Variants in CLEC16A observed in about 807,000 individuals in gnomAD.
CLEC16A encodes the protein C-type lectin domain containing 16A.
CLEC16A carries 51 observed loss-of-function variants against 109.5 expected under a neutral mutation model. That is an observed-to-expected ratio of 0.47 (90% CI 0.37 to 0.59). The LOEUF (loss-of-function observed/expected upper bound fraction) is 0.59, where lower values mean the gene tolerates loss of function less well. CLEC16A is among the 20% of genes least tolerant of loss of function. CLEC16A has a pLI of 0.00. For synonymous variants in CLEC16A, 673 were observed against 564.2 expected, an observed-to-expected ratio of 1.19 and a Z score of -2.73; for missense variants, 1,339 against 1,394.0, an observed-to-expected ratio of 0.96 and a Z score of 0.63.
At chr16:10,983,141 G>A (rs1027219755) in intron 10 of CLEC16A, 150 bp downstream of exon 10, 2 of 570,204 alleles carry the variant, frequency 3.5e-6, no homozygotes, top group Non-Finnish European at 6.3e-6. Flanking sequence ...CCTAATCAGA[G>A]TCTTGATTGC....
In CLEC16A at chr16:11,178,347, G is replaced by A. The variant is rs1288278736; in HGVS notation, c.2819G>A (p.Ser940Asn). ...TCCCCCAATCCAGATGCCCCCATGA[G>A]TCCAGAACTGCCTAAGCCTCACCTT... ...TAQSPADAPM[S>N]PELPKPHLPD... Residue 940 changes from serine to asparagine, a missense_variant, in exon 24 of 24, where the codon AGT (serine) becomes AAT (asparagine). This residue lies in a region of CLEC16A where 1,061 missense variants were observed against 1,006.8 expected (regional missense o/e 1.05). Coordinates refer to ENST00000409790, the MANE Select transcript of CLEC16A (RefSeq NM_015226.3). This position sits in a 1 kb window ranked among gnomAD's most constrained non-coding sequence, Gnocchi z 6.5. 1.2e-6 allele frequency: 2 copies of A among 1,610,508 alleles called. No individual in the cohort carries two copies. The highest frequency in any genetic ancestry group is 2.2e-5 in the South Asian group (2 of 90,850).
At chr16:11,123,712 A>G (rs1279621054) in intron 20 of CLEC16A, 30 bp from the exon 21 acceptor site, 5 of 1,611,466 alleles carry the variant, frequency 3.1e-6, no homozygotes, top group Non-Finnish European at 4.2e-6. Context: ...AACCCAACGA[A>G]TGCCTTTTCC....
chr16:11,102,255 T>C (rs531720283), intron 19 of CLEC16A, among the ~76,000 whole-genome samples: 10 of 152,340 alleles, frequency 6.6e-5, no homozygotes, highest in African/African-American at 2.4e-4. Flanking sequence ...TAAGATTGCG[T>C]TTCACTTAAA....
intron 1 of CLEC16A, among the ~76,000 whole-genome samples, chr16:10,950,111 C>A (rs779693693): frequency 8.5e-5 from 13 of 152,154 alleles, no homozygotes; most frequent in Non-Finnish European, 1.6e-4. Flanking sequence ...GCTGTTAGCT[C>A]CTGTGCGTTC....
At chr16:11,075,412 C>G (rs2058533) in intron 19 of CLEC16A, among the ~76,000 whole-genome samples, 13,908 of 119,776 alleles carry the variant, frequency 0.12, 675 homozygotes, top group East Asian at 0.17. Context: ...GTGTGTGTGT[C>G]TGTGTGTGTG....
chr16:11,177,814 G>A (rs1008786608), intron 23 of CLEC16A, among the ~76,000 whole-genome samples: 26 of 149,530 alleles, frequency 1.7e-4, no homozygotes, highest in Admixed American at 8.0e-4. Context: ...CCAAGGTTTT[G>A]TTTTGGTTTT....
At chr16:11,153,974 C>A (rs936464067) in intron 22 of CLEC16A, among the ~76,000 whole-genome samples, 8 of 152,188 alleles carry the variant, frequency 5.3e-5, no homozygotes, top group African/African-American at 1.9e-4. Flanking sequence ...ACACACACCT[C>A]CCCATAAGTG....
chr16:11,014,028 A>G (rs1302213952), intron 11 of CLEC16A, among the ~76,000 whole-genome samples: 2 of 152,202 alleles, frequency 1.3e-5, no homozygotes, highest in Non-Finnish European at 2.9e-5. Context: ...TCATTGATTT[A>G]ATTTTCATTT....
chr16:11,029,206 G>A (rs1338557252), intron 13 of CLEC16A, among the ~76,000 whole-genome samples: 1 of 152,168 alleles, frequency 6.6e-6, no homozygotes, highest in Non-Finnish European at 1.5e-5. Context: ...CTATTACTGA[G>A]ACATTACCCT....
intron 1 of CLEC16A, among the ~76,000 whole-genome samples, chr16:10,950,171 G>C (rs901029856): frequency 6.6e-6 from 1 of 152,162 alleles, no homozygotes; most frequent in African/African-American, 2.4e-5. Flanking sequence ...GCTGGCCGGG[G>C]TTCCTGTCCT....
At chr16:11,045,421 A>G (rs942351814) in intron 16 of CLEC16A, among the ~76,000 whole-genome samples, 3 of 152,170 alleles carry the variant, frequency 2.0e-5, no homozygotes, top group African/African-American at 7.2e-5. Context: ...CAGATTTGAT[A>G]TCTTGTGAAG....
intron 23 of CLEC16A, among the ~76,000 whole-genome samples, chr16:11,176,896 T>C (rs1163136488): frequency 6.6e-6 from 1 of 152,260 alleles, no homozygotes; most frequent in Non-Finnish European, 1.5e-5. Flanking sequence ...TCCCTTTCTA[T>C]ATGCTGCCTG....
chr16:11,178,557 TCCCCCCAGTTGAC>T lies in CLEC16A; in HGVS notation c.3034_3046del (p.Pro1012ThrfsTer96), dbSNP rs773118325. 3 of 1,612,198 alleles carry T rather than the reference TCCCCCCAGTTGAC, an allele frequency of 1.9e-6. No homozygotes were observed. Among genetic ancestry groups the T allele is most frequent in the Non-Finnish European group, 2.5e-6 (3 of 1,179,786 alleles). ...CTGAGCGTCGAATCGCTGACCCTTG[TCCCCCCAGTTGAC>T]CCCCACAGCCTCCGCAGCCTCACCG... On this transcript the variant is annotated frameshift_variant, in exon 24 of 24. Coordinates refer to ENST00000409790, the MANE Select transcript of CLEC16A (RefSeq NM_015226.3). LOFTEE classifies it low-confidence loss of function (END_TRUNC). This position sits in a 1 kb window ranked among gnomAD's most constrained non-coding sequence, Gnocchi z 6.5.
chr16:10,946,680 A>T (rs2041394340), intron 1 of CLEC16A, among the ~76,000 whole-genome samples: 1 of 152,098 alleles, frequency 6.6e-6, no homozygotes, highest in African/African-American at 2.4e-5. Context: ...ACTCTGCTTA[A>T]CTCTAGCCCT....
chr16:11,115,580 A>C (rs563143913), intron 19 of CLEC16A, among the ~76,000 whole-genome samples: 217 of 152,240 alleles, frequency 1.4e-3, no homozygotes, highest in African/African-American at 5.0e-3. Context: ...GCCATGTTGC[A>C]CAGGCCGGTG....
chr16:11,171,436 G>A (rs1259337883), intron 23 of CLEC16A, among the ~76,000 whole-genome samples: 1 of 152,182 alleles, frequency 6.6e-6, no homozygotes, highest in African/African-American at 2.4e-5. Flanking sequence ...TTAATGGCCA[G>A]TCCTTTTGAG....
chr16:11,157,007 A>G (rs1178140049), intron 22 of CLEC16A: 3 of 1,243,050 alleles, frequency 2.4e-6, no homozygotes, highest in East Asian at 5.8e-5. Flanking sequence ...CAGCAAAAAC[A>G]TTTCTAAGGG....
intron 19 of CLEC16A, among the ~76,000 whole-genome samples, chr16:11,082,179 T>G (rs2049761086): frequency 1.3e-5 from 2 of 152,248 alleles, no homozygotes; most frequent in Admixed American, 6.5e-5. Context: ...CAAAATAACC[T>G]TAGAAACTGT....
At chr16:11,162,470 G>A (rs1023020461) in intron 22 of CLEC16A, among the ~76,000 whole-genome samples, 1 of 152,148 alleles carries the variant, frequency 6.6e-6, no homozygotes, top group East Asian at 1.9e-4. Context: ...TACAATAGGA[G>A]TCTTGGAAAA....
Sources: gnomAD v4.1 joint callset for allele counts (sites outside exome capture counted in the v4.1 genomes callset) on GRCh38, gnomAD v4.1.1 for gene constraint, gnomAD v4.1.1 regional missense constraint, Gnocchi (gnomAD v3.1) non-coding constraint, MANE v1.5 for transcripts, NCBI Gene and HGNC (gene_info 2026-07-23, HGNC 2026-07-21) for gene names.